Variants in TES observed in about 807,000 individuals in gnomAD.
TES encodes testin LIM domain protein.
A neutral mutation model predicts 48.2 loss-of-function variants in TES; 41 were observed. That is an observed-to-expected ratio of 0.85 (90% confidence interval 0.66 to 1.10). The LOEUF (loss-of-function observed/expected upper bound fraction) is 1.10, where lower values mean the gene tolerates loss of function less well. Among genes scored for constraint, TES ranks in the 50% least tolerant of loss-of-function variants. TES has a pLI of 0.00. For synonymous variants in TES, 162 were observed against 174.9 expected, an observed-to-expected ratio of 0.93 and a Z score of 0.58; for missense variants, 463 against 515.1, an observed-to-expected ratio of 0.90 and a Z score of 0.98.
At chr7:116,228,395 A>C (rs1799651965) in intron 1 of TES, among the ~76,000 whole-genome samples, 1 of 152,228 alleles carries the variant, frequency 6.6e-6, no homozygotes, top group Non-Finnish European at 1.5e-5. Context: ...CTGAAGAAGA[A>C]AAATTATTCT....
intron 2 of TES, among the ~76,000 whole-genome samples, chr7:116,244,262 G>A (rs1799891774): frequency 6.6e-6 from 1 of 152,130 alleles, no homozygotes; most frequent in African/African-American, 2.4e-5. Flanking sequence ...TCTCATCTGA[G>A]ACCAGGCAAG....
chr7:116,224,211 TAA>T (rs1259406102), intron 1 of TES, among the ~76,000 whole-genome samples: 1 of 152,170 alleles, frequency 6.6e-6, no homozygotes, highest in Non-Finnish European at 1.5e-5. Flanking sequence ...TGCAAACTTG[TAA>T]GAGACCGTAA....
chr7:116,244,276 CT>C (rs1799891995), intron 2 of TES, among the ~76,000 whole-genome samples: 1 of 152,186 alleles, frequency 6.6e-6, no homozygotes, highest in Admixed American at 6.5e-5. Flanking sequence ...AGGCAAGTCC[CT>C]TCTGCCTGTG....
intron 3 of TES, 30 bp from the exon 4 acceptor site, chr7:116,250,131 C>G (rs1232748967): frequency 8.1e-6 from 12 of 1,482,656 alleles, no homozygotes; most frequent in Non-Finnish European, 1.1e-5. Flanking sequence ...ATGGCCAATC[C>G]CAGTTAACAT....
intron 1 of TES, among the ~76,000 whole-genome samples, chr7:116,230,971 T>C (rs1291673484): frequency 6.6e-6 from 1 of 152,202 alleles, no homozygotes; most frequent in African/African-American, 2.4e-5. Flanking sequence ...CAGAAAGTCA[T>C]CTACACTTAG....
At chr7:116,225,561 T>G (rs1799612374) in intron 1 of TES, among the ~76,000 whole-genome samples, 1 of 152,186 alleles carries the variant, frequency 6.6e-6, no homozygotes, top group Non-Finnish European at 1.5e-5. Context: ...TTTACTGCTG[T>G]CTGTGAACAA....
rs879784342 is a variant in TES, at chr7:116,242,527, CTCTCTCTCTCTGTCTCTG to C, written c.114-6488_114-6471del. On this transcript the variant is annotated intron_variant, in intron 2 of 6. Transcript: ENST00000358204. ...CACCTATCTCTCTCTCTCTCTCTCT[CTCTCTCTCTCTGTCTCTG>C]TCTCGGAATATACAAGTCAAATCTA... Among the ~76,000 whole-genome samples, 564 of 93,910 alleles carry C rather than the reference CTCTCTCTCTCTGTCTCTG, an allele frequency of 6.0e-3. 4 individuals carry two copies. The highest frequency in any genetic ancestry group is 0.024 in the African/African-American group (499 of 20,732). 61.6% of individuals were successfully genotyped at this position (93,910 alleles called of 152,430 possible).
chr7:116,248,173 ATTCTATGG>A (rs1268093798), intron 2 of TES, among the ~76,000 whole-genome samples: 1 of 152,176 alleles, frequency 6.6e-6, no homozygotes, highest in African/African-American at 2.4e-5. Flanking sequence ...GCTGCATAGT[ATTCTATGG>A]TGAATATGTT....
chr7:116,233,982 C>T (rs570623848), intron 1 of TES, among the ~76,000 whole-genome samples: 3 of 152,248 alleles, frequency 2.0e-5, no homozygotes, highest in South Asian at 4.1e-4. Flanking sequence ...AATATTGGTA[C>T]ATTGGGGATT....
chr7:116,215,674 C>G (rs1387625076), intron 1 of TES, among the ~76,000 whole-genome samples: 1 of 152,124 alleles, frequency 6.6e-6, no homozygotes, highest in East Asian at 1.9e-4. Context: ...AACAGTGACC[C>G]TGTATTTGGC....
chr7:116,223,048 C>T lies in TES; in HGVS notation c.28-11486C>T, dbSNP rs1009618571. ...ATTGGTAAGCATTTCAAATGACTTC[C>T]TTCATACAGTAGTATAAAAATAATT... On this transcript the variant is annotated intron_variant, in intron 1 of 6. Transcript: ENST00000358204. 7.3e-6 allele frequency: 7 copies of T among 952,492 alleles called. No homozygotes were observed. The Admixed American group carries it at 1.8e-4, about 25-fold the overall frequency. 59.0% of individuals were successfully genotyped at this position (952,492 alleles called of 1,614,324 possible). A position where few individuals can be genotyped will look rare whatever the true frequency, so the allele number is the denominator to read the frequency against.
chr7:116,214,731 AT>A (rs1329055794), intron 1 of TES, among the ~76,000 whole-genome samples: 3 of 152,138 alleles, frequency 2.0e-5, no homozygotes, highest in Non-Finnish European at 4.4e-5. Flanking sequence ...AGGAATTTAT[AT>A]TGCTACTGGC....
chr7:116,227,387 G>T (rs1161360183), intron 1 of TES, among the ~76,000 whole-genome samples: 1 of 151,864 alleles, frequency 6.6e-6, no homozygotes, highest in Non-Finnish European at 1.5e-5. Flanking sequence ...CTCCCAAATT[G>T]CTGGGATTAC....
chr7:116,256,417 A>G (rs1419956836), intron 6 of TES, among the ~76,000 whole-genome samples: 2 of 152,216 alleles, frequency 1.3e-5, no homozygotes, highest in Admixed American at 1.3e-4. Context: ...TTGTTATGAA[A>G]TATTTAAAAC....
intron 2 of TES, among the ~76,000 whole-genome samples, chr7:116,235,012 T>C (rs1799750097): frequency 6.6e-6 from 1 of 152,232 alleles, no homozygotes; most frequent in African/African-American, 2.4e-5. Flanking sequence ...TGGTGTGATC[T>C]CAGCTCACTG....
chr7:116,231,984 A>G (rs1441195090), intron 1 of TES, among the ~76,000 whole-genome samples: 6 of 152,206 alleles, frequency 3.9e-5, no homozygotes, highest in Non-Finnish European at 7.3e-5. Flanking sequence ...TGGTAGGAGA[A>G]AACAACTTGC....
chr7:116,234,948 TGTTA>T (rs1026494629), intron 2 of TES, among the ~76,000 whole-genome samples: 7 of 150,028 alleles, frequency 4.7e-5, no homozygotes, highest in African/African-American at 1.7e-4. Flanking sequence ...ATAATTTATT[TGTTA>T]CTTTTTTTTT....
intron 1 of TES, among the ~76,000 whole-genome samples, chr7:116,212,500 G>T (rs1799450105): frequency 6.6e-6 from 1 of 152,254 alleles, no homozygotes; most frequent in African/African-American, 2.4e-5. Context: ...AGACAGGAAG[G>T]CATGGGGGAG....
At chr7:116,257,144 A>G in intron 6 of TES, 150 bp from the exon 7 acceptor site, 1 of 761,548 alleles carries the variant, frequency 1.3e-6, no homozygotes, top group Non-Finnish European at 2.0e-6. Context: ...TTGGCCAAAA[A>G]GGTTAGCTAG....
Sources: allele counts gnomAD v4.1 joint callset (sites outside exome capture counted in the v4.1 genomes callset), GRCh38; gene constraint gnomAD v4.1.1; transcripts MANE v1.5; gene names NCBI Gene and HGNC (gene_info 2026-07-23, HGNC 2026-07-21).